The following GTF2H5 variants were observed in gnomAD, a reference collection of about 807,000 sequenced individuals.
GTF2H5 encodes the protein TFB5 ortholog.
A neutral mutation model predicts 7.1 loss-of-function variants in GTF2H5; 5 were observed. The observed-to-expected ratio is 0.71, with a 90% CI of 0.37 to 1.49. GTF2H5 has a LOEUF of 1.49. GTF2H5 is among the 40% of genes most tolerant of loss of function. The pLI, the probability that GTF2H5 is intolerant of heterozygous loss-of-function variation, is 0.03. For missense variants in GTF2H5, 80 were observed against 83.0 expected (o/e 0.96, Z 0.14); for synonymous variants, 30 against 31.7 (o/e 0.95, Z 0.18).
At chr6:158,184,547 T>C (rs1213188248) in intron 2 of GTF2H5, among the ~76,000 whole-genome samples, 1 of 152,206 alleles carries the variant, frequency 6.6e-6, no homozygotes, top group Non-Finnish European at 1.5e-5. Context: ...CAAATTGTTA[T>C]TGAGCACCTA....
intron 1 of GTF2H5, among the ~76,000 whole-genome samples, chr6:158,169,120 G>A (rs1261025809): frequency 6.7e-6 from 1 of 150,316 alleles, no homozygotes; most frequent in Non-Finnish European, 1.5e-5. Context: ...TGTAGTCCCC[G>A]CTGCTTGGGA....
chr6:158,180,231 C>T (rs142543520), intron 2 of GTF2H5, among the ~76,000 whole-genome samples: 2,735 of 152,204 alleles, frequency 0.018, 76 homozygotes, highest in African/African-American at 0.063. Context: ...CTGACTTGAT[C>T]GTGGTGGATA....
At chr6:158,170,568 A>ATGT in intron 2 of GTF2H5, 30 bp downstream of exon 2, 4 of 1,452,026 alleles carry the variant, frequency 2.8e-6, no homozygotes, top group Non-Finnish European at 3.9e-6. Context: ...CATGAGTTTT[A>ATGT]AGTTTAAATA....
At chr6:158,191,873 T>C (rs1777032513) in intron 2 of GTF2H5, 104 bp from the exon 3 acceptor site, 1 of 916,210 alleles carries the variant, frequency 1.1e-6, no homozygotes, top group Non-Finnish European at 1.8e-6. Flanking sequence ...AACAGAACTT[T>C]AAAAATCATT....
In GTF2H5 at chr6:158,196,756, C is replaced by G. The variant is rs933784094; in HGVS notation, c.*4599C>G. The stretch of plus-strand genomic sequence containing the variant: ...TATGGGAACAACGCCCCAAGGAAAT[C>G]AGTTTACAAATGGATAATTCATTTT... On this transcript the variant is annotated 3_prime_UTR_variant, in exon 3 of 3. Coordinates refer to ENST00000607778, the MANE Select transcript of GTF2H5 (RefSeq NM_207118.3). 1 of 152,186 alleles carries G rather than the reference C, an allele frequency of 6.6e-6. No homozygotes were observed. Among genetic ancestry groups the G allele is most frequent in the African/African-American group, 2.4e-5 (1 of 41,442 alleles). The allele number at this position is 152,186 out of a possible 1,614,324, so 9.4% of individuals were successfully genotyped here.
rs1429262986 is a variant in GTF2H5, at chr6:158,198,228, C to T, written c.*6071C>T. The T allele has an allele frequency of 1.3e-5, 2 of 152,314 alleles. No individual in the cohort carries two copies. The highest frequency in any genetic ancestry group is 3.9e-4 in the East Asian group (2 of 5,176). The allele number at this position is 152,314 out of a possible 1,614,324, so 9.4% of individuals were successfully genotyped here. A position where few individuals can be genotyped will look rare whatever the true frequency, so the allele number is the denominator to read the frequency against. On this transcript the variant is annotated 3_prime_UTR_variant, in exon 3 of 3. Coordinates refer to ENST00000607778, the MANE Select transcript of GTF2H5 (RefSeq NM_207118.3). ...ATTGGGTAGCTAGTCCACCAGCGGT[C>T]TGATGCTTTCATTGATCTCAAAACT...
chr6:158,183,740 T>C (rs1786040414), intron 2 of GTF2H5, among the ~76,000 whole-genome samples: 1 of 152,152 alleles, frequency 6.6e-6, no homozygotes, highest in Non-Finnish European at 1.5e-5. Flanking sequence ...GGTCCGCTTG[T>C]TGCGAAGACA....
chr6:158,169,665 T>TAA (rs1785780372), intron 1 of GTF2H5, among the ~76,000 whole-genome samples: 2 of 72,170 alleles, frequency 2.8e-5, no homozygotes, highest in African/African-American at 1.2e-4. Flanking sequence ...ATATAATATA[T>TAA]TGTATATTAT....
intron 2 of GTF2H5, among the ~76,000 whole-genome samples, chr6:158,183,066 G>A (rs1280281066): frequency 4.6e-5 from 7 of 152,212 alleles, no homozygotes; most frequent in Admixed American, 6.5e-5. Flanking sequence ...GTTTTGGTGT[G>A]GATGTCCTTT....
chr6:158,186,657 C>G (rs1458436597), intron 2 of GTF2H5, among the ~76,000 whole-genome samples: 2 of 152,172 alleles, frequency 1.3e-5, no homozygotes, highest in Admixed American at 6.5e-5. Context: ...ACAACTTGTG[C>G]CCAAGGTGTT....
Position 158,192,098 on chromosome 6 carries a change from C to T in GTF2H5, c.157C>T (p.Leu53Phe). 1 of 1,613,870 alleles carries T rather than the reference C, an allele frequency of 6.2e-7. No homozygotes were observed. Among genetic ancestry groups the T allele is most frequent in the Non-Finnish European group, 8.5e-7 (1 of 1,179,888 alleles). ...VFVIAELVNV[L>F]QERVGELMDQ... ...TGTAATAGCAGAATTGGTTAATGTC[C>T]TCCAGGAGCGAGTGGGTGAATTAAT... is the stretch of plus-strand genomic sequence containing the variant. The change falls in exon 3 of 3, where the codon CTC becomes TTC. Residue 53 changes from leucine to phenylalanine, a missense_variant. Physicochemically the swap from Leu to Phe is conservative, Grantham distance 22. Transcript: ENST00000607778.
At chr6:158,174,897 G>A (rs1445939237) in intron 2 of GTF2H5, among the ~76,000 whole-genome samples, 1 of 152,098 alleles carries the variant, frequency 6.6e-6, no homozygotes. Context: ...GGCAAAACCA[G>A]TCTAACCATT....
At position 158,192,052 on chromosome 6, in the gene GTF2H5, C is replaced by T. The variant is rs1212454954; in HGVS notation, c.111C>T (p.Asp37=). Residue 37 remains aspartate, a synonymous_variant, in exon 3 of 3, where the codon GAC becomes GAT. Coordinates refer to ENST00000607778, the MANE Select transcript of GTF2H5 (RefSeq NM_207118.3). ...TGGGGAAGAAGTTCATCATTCAAGA[C>T]ATTGATGACACTCACGTCTTTGTAA... The part of the protein sequence containing the change: ...NALGKKFIIQ[D]IDDTHVFVIA... 1 of 1,612,562 alleles carries T rather than the reference C, an allele frequency of 6.2e-7. No individual in the cohort carries two copies. Among genetic ancestry groups the T allele is most frequent in the Non-Finnish European group, 8.5e-7 (1 of 1,178,528 alleles).
At chr6:158,179,915 C>T (rs138501510) in intron 2 of GTF2H5, among the ~76,000 whole-genome samples, 189 of 152,092 alleles carry the variant, frequency 1.2e-3, no homozygotes, top group African/African-American at 4.3e-3. Flanking sequence ...TGTCTTGTGC[C>T]GGTTTTCAAA....
intron 2 of GTF2H5, among the ~76,000 whole-genome samples, chr6:158,187,465 T>C (rs920871219): frequency 5.9e-5 from 9 of 152,238 alleles, no homozygotes; most frequent in Admixed American, 1.3e-4. Context: ...TACAATTTCT[T>C]TCAGGGCCTG....
In GTF2H5 at chr6:158,194,308, C is replaced by A. The variant is rs1777073590; in HGVS notation, c.*2151C>A. The A allele has an allele frequency of 6.6e-6, 1 of 152,170 alleles. No individual in the cohort carries two copies. Among genetic ancestry groups the A allele is most frequent in the Non-Finnish European group, 1.5e-5 (1 of 68,034 alleles). 9.4% of individuals were successfully genotyped at this position (152,170 alleles called of 1,614,324 possible). A position where few individuals can be genotyped will look rare whatever the true frequency, so the allele number is the denominator to read the frequency against. On this transcript the variant is annotated 3_prime_UTR_variant, in exon 3 of 3. Coordinates refer to ENST00000607778, the MANE Select transcript of GTF2H5 (RefSeq NM_207118.3). The stretch of plus-strand genomic sequence containing the variant: ...AAAAGTCCTTTATTTAGCTGGCAGC[C>A]AAGAGGTGGCTCACACTTGGAATTC...
At position 158,169,440 on chromosome 6, in the gene GTF2H5, TA is replaced by T. The variant is rs1562468070; in HGVS notation, c.-34-1029del. Among the ~76,000 whole-genome samples, 52 of 55,496 alleles carry T rather than the reference TA, an allele frequency of 9.4e-4. 1 individual carries two copies. Among genetic ancestry groups the T allele is most frequent in the African/African-American group, 5.6e-3 (48 of 8,638 alleles). The allele number at this position is 55,496 out of a possible 152,430, so 36.4% of individuals were successfully genotyped here. A position where few individuals can be genotyped will look rare whatever the true frequency, so the allele number is the denominator to read the frequency against. On this transcript the variant is annotated intron_variant, in intron 1 of 2. Transcript: ENST00000607778. ...ATTATATATAATATATTGTATATTA[TA>T]TATATTATATATTATATATATTATA...
intron 2 of GTF2H5, among the ~76,000 whole-genome samples, chr6:158,178,972 G>T (rs1162535208): frequency 1.3e-5 from 2 of 152,110 alleles, no homozygotes; most frequent in African/African-American, 4.8e-5. Flanking sequence ...GATTTTTATG[G>T]TCCTAGGTGT....
intron 2 of GTF2H5, among the ~76,000 whole-genome samples, chr6:158,188,398 A>G (rs1049427551): frequency 1.3e-5 from 2 of 152,244 alleles, no homozygotes. Flanking sequence ...ATGGTTTTCA[A>G]GAAACTGAAA....
Sources: gnomAD v4.1 joint callset for allele counts (sites outside exome capture counted in the v4.1 genomes callset) on GRCh38, gnomAD v4.1.1 for gene constraint, MANE v1.5 for transcripts, NCBI Gene and HGNC (gene_info 2026-07-23, HGNC 2026-07-21) for gene names.